TMPRSS6: variants seen among roughly 807,000 people sequenced by gnomAD.
TMPRSS6 encodes the protein transmembrane serine protease 6, also known as transmembrane protease serine 6.
Under a neutral mutation model 101.5 loss-of-function variants are expected in TMPRSS6, and 67 were observed. The ratio of observed to expected loss-of-function variants is 0.66; its 90% CI spans 0.54 to 0.81. The LOEUF (loss-of-function observed/expected upper bound fraction) is 0.81. Ranked by LOEUF, TMPRSS6 falls within the 30% of genes least tolerant of loss-of-function variation. TMPRSS6 has a pLI of 0.00. For synonymous variants in TMPRSS6, 453 were observed against 464.9 expected (o/e 0.97, Z 0.33); for missense variants, 1,034 against 1,088.7 (o/e 0.95, Z 0.71).
At chr22:37,078,953 A>AG (rs1927981428) in intron 10 of TMPRSS6, among the ~76,000 whole-genome samples, 1 of 111,734 alleles carries the variant, frequency 8.9e-6, no homozygotes, top group African/African-American at 3.3e-5. Context: ...GAGAAGGAGA[A>AG]AAAGAGAAAG....
chr22:37,109,425 A>C (rs1328628144), intron 1 of TMPRSS6, 78 bp downstream of exon 1: 1 of 152,358 alleles, frequency 6.6e-6, no homozygotes, highest in African/African-American at 2.4e-5. Context: ...GCAGGGAGCC[A>C]GGCCCAGCTC....
At chr22:37,070,418 C>T (rs1926774568) in intron 15 of TMPRSS6, 66 bp downstream of exon 15, 3 of 1,594,400 alleles carry the variant, frequency 1.9e-6, no homozygotes, top group Admixed American at 3.3e-5. Flanking sequence ...AGACACAGTG[C>T]ACCTCCCACC....
chr22:37,074,052 T>C (rs1444158964), intron 12 of TMPRSS6, among the ~76,000 whole-genome samples: 1 of 152,140 alleles, frequency 6.6e-6, no homozygotes, highest in African/African-American at 2.4e-5. Context: ...CCCGGCCTCT[T>C]TCTCTGCTAT....
Position 37,103,065 on chromosome 22 carries a change from G to A in TMPRSS6, c.202+151C>T. The A allele has an allele frequency of 1.3e-6, 1 of 799,886 alleles. No individual in the cohort carries two copies. The highest frequency in any genetic ancestry group is 2.1e-6 in the Non-Finnish European group (1 of 480,794). 49.5% of individuals were successfully genotyped at this position (799,886 alleles called of 1,614,324 possible). A position where few individuals can be genotyped will look rare whatever the true frequency, so the allele number is the denominator to read the frequency against. ...ATCTCCAGCTGGAAGGACAGGGAGG[G>A]AGACCCAGAGAACAGAAGTGACTTG... On this transcript the variant is annotated intron_variant, in intron 2 of 17. Transcript: ENST00000676104. This position sits in a 1 kb window ranked among gnomAD's most constrained non-coding sequence, Gnocchi z 4.4.
rs141799681 is a variant in TMPRSS6, at chr22:37,080,623, C to T, written c.1196+3672G>A. The stretch of plus-strand genomic sequence containing the variant: ...AACTAGAGGGCACAGTGGCCCAGTG[C>T]GGATGGTTTGCAGGCGCCACCTCTG... On this transcript the variant is annotated intron_variant, in intron 10 of 17. Coordinates refer to ENST00000676104, the MANE Select transcript of TMPRSS6 (RefSeq NM_001374504.1). Among the ~76,000 whole-genome samples, 1,109 of 152,378 alleles carry T rather than the reference C, an allele frequency of 7.3e-3. 16 individuals are homozygous for T. The highest frequency in any genetic ancestry group is 0.025 in the African/African-American group (1,052 of 41,602).
chr22:37,100,808 G>C (rs183996758), intron 2 of TMPRSS6, among the ~76,000 whole-genome samples: 4 of 152,166 alleles, frequency 2.6e-5, no homozygotes, highest in Non-Finnish European at 5.9e-5. Flanking sequence ...CGAAAGAAGC[G>C]GGTGGAGAGA....
chr22:37,095,864 A>AC (rs762742255), intron 5 of TMPRSS6, 42 bp downstream of exon 5: 157 of 1,610,916 alleles, frequency 9.7e-5, no homozygotes, highest in Non-Finnish European at 1.3e-4. Flanking sequence ...GTTTCCCCCA[A>AC]CCTCATGAGG....
At chr22:37,105,075 G>A (rs1332708456) in intron 1 of TMPRSS6, among the ~76,000 whole-genome samples, 2 of 152,154 alleles carry the variant, frequency 1.3e-5, no homozygotes, top group East Asian at 3.8e-4. Context: ...GGGCTCTTTA[G>A]TAATGCTCAA....
intron 1 of TMPRSS6, among the ~76,000 whole-genome samples, chr22:37,105,943 C>G (rs1370195550): frequency 1.3e-5 from 2 of 152,170 alleles, no homozygotes; most frequent in Non-Finnish European, 2.9e-5. Context: ...AGCCACCATA[C>G]CTGGCCCTGT....
chr22:37,109,004 C>T (rs1224597858), intron 1 of TMPRSS6, among the ~76,000 whole-genome samples: 3 of 152,122 alleles, frequency 2.0e-5, no homozygotes, highest in East Asian at 1.9e-4. Flanking sequence ...CATAGATGCA[C>T]GCCCTTCCTA....
chr22:37,093,071 C>T (rs1929412832), intron 6 of TMPRSS6, among the ~76,000 whole-genome samples: 1 of 152,148 alleles, frequency 6.6e-6, no homozygotes. Flanking sequence ...CTGGTGTCCT[C>T]AGCGCAGGAA....
chr22:37,070,173 A>G (rs1412534873), intron 15 of TMPRSS6, among the ~76,000 whole-genome samples: 1 of 152,198 alleles, frequency 6.6e-6, no homozygotes, highest in Non-Finnish European at 1.5e-5. Context: ...CTGAATCCCC[A>G]GCATCTAGCA....
At chr22:37,098,375 C>T in intron 3 of TMPRSS6, 41 bp downstream of exon 3, 1 of 1,613,770 alleles carries the variant, frequency 6.2e-7, no homozygotes, top group South Asian at 1.1e-5. Context: ...CTCTTTTCAC[C>T]CCCATATTCC....
intron 13 of TMPRSS6, among the ~76,000 whole-genome samples, chr22:37,071,249 TGTCTCCATTCTCA>T (rs1373402231): frequency 2.0e-5 from 3 of 149,572 alleles, no homozygotes; most frequent in Non-Finnish European, 3.0e-5. Flanking sequence ...CACAAAGTGG[TGTCTCCATTCTCA>T]GACTGGAGAT....
At chr22:37,110,062 G>A (rs1400098574), upstream of TMPRSS6, among the ~76,000 whole-genome samples, 1 of 152,032 alleles carries the variant, frequency 6.6e-6, no homozygotes, top group Admixed American at 6.5e-5. Flanking sequence ...GACTGGAGAG[G>A]AGAAAGGGGA....
chr22:37,094,452 G>A (rs900862774), intron 6 of TMPRSS6, among the ~76,000 whole-genome samples: 3 of 151,970 alleles, frequency 2.0e-5, no homozygotes, highest in Non-Finnish European at 4.4e-5. Context: ...TAGCTAGCTA[G>A]ACAGACAGAG....
Position 37,103,405 on chromosome 22 carries a change from C to T in TMPRSS6, c.13G>A (p.Glu5Lys), listed in dbSNP as rs758855026. 32 of 1,614,084 alleles carry T rather than the reference C, an allele frequency of 2.0e-5. No individual in the cohort carries two copies. The highest frequency in any genetic ancestry group is 5.5e-5 in the South Asian group (5 of 91,090). The change falls in exon 2 of 18, where the codon GAG becomes AAG. Residue 5 changes from glutamate to lysine, a missense_variant. Physicochemically the swap from Glu to Lys is moderately conservative, Grantham distance 56 (BLOSUM62 1). Transcript: ENST00000676104. The surrounding 1 kb of genome is among the most constrained non-coding windows in gnomAD (Gnocchi z 4.4). Reference protein sequence around the residue: MPVAEAPQVAGGQGD... With the variant: MPVAKAPQVAGGQGD... ...TGCCCGCCAGCCACCTGGGGGGCCT[C>T]GGCCACGGGCATCCTGCCAGGGAAA...
chr22:37,074,720 C>A lies in TMPRSS6; in HGVS notation c.1343-12G>T. The A allele has an allele frequency of 6.2e-7, 1 of 1,613,966 alleles. No homozygotes were observed. The highest frequency in any genetic ancestry group is 8.5e-7 in the Non-Finnish European group (1 of 1,179,928). On this transcript the variant is annotated splice_polypyrimidine_tract_variant and intron_variant, in intron 11 of 17. Transcript: ENST00000676104. ...CTCTCCAGGGCAGGCTGCAAAACCA[C>A]AGGGGACCGTGGAGGCAGGCAGGGC...
chr22:37,096,535 T>C, intron 4 of TMPRSS6, 113 bp downstream of exon 4: 1 of 1,222,374 alleles, frequency 8.2e-7, no homozygotes, highest in African/African-American at 1.5e-5. Context: ...TCTCTATGCC[T>C]TAGTTTCCCC....
Sources: allele counts gnomAD v4.1 joint callset (sites outside exome capture counted in the v4.1 genomes callset), GRCh38; gene constraint gnomAD v4.1.1; non-coding constraint Gnocchi (gnomAD v3.1); transcripts MANE v1.5; gene names NCBI Gene and HGNC (gene_info 2026-07-23, HGNC 2026-07-21).